Variants in KIAA0825 observed in about 807,000 individuals in gnomAD.
The protein encoded by KIAA0825 is uncharacterized protein KIAA0825.
KIAA0825 carries 119 observed loss-of-function variants against 147.6 expected under a neutral mutation model. The observed-to-expected ratio is 0.81, with a 90% CI of 0.69 to 0.94. The LOEUF is 0.94. KIAA0825 is among the 40% of genes least tolerant of loss of function. The pLI is 0.00. For missense variants in KIAA0825, 1,381 were observed against 1,472.7 expected (o/e 0.94, Z 1.02); for synonymous variants, 470 against 518.1 (o/e 0.91, Z 1.26).
Position 94,536,978 on chromosome 5 carries a change from A to G in KIAA0825, c.131+18T>C. 6.4e-7 allele frequency: 1 copy of G among 1,561,512 alleles called. No individual in the cohort carries two copies. Among genetic ancestry groups the G allele is most frequent in the Non-Finnish European group, 8.8e-7 (1 of 1,142,232 alleles). ...GAAATGTGAAAACAACTTGTTTTAA[A>G]TAATTAACAATATTTACCTTGCAGC... On this transcript the variant is annotated intron_variant, in intron 3 of 20. Transcript: ENST00000682413.
At chr5:94,427,589 A>C (rs184332944) in intron 14 of KIAA0825, among the ~76,000 whole-genome samples, 4 of 152,324 alleles carry the variant, frequency 2.6e-5, no homozygotes, top group Admixed American at 1.3e-4. Flanking sequence ...GCTGAACTTA[A>C]CTACTTTTTA....
intron 4 of KIAA0825, 67 bp downstream of exon 4, chr5:94,523,863 G>T: frequency 9.5e-7 from 1 of 1,047,256 alleles, no homozygotes; most frequent in Non-Finnish European, 1.4e-6. Context: ...TTTACGTATA[G>T]AAATTGAATG....
At chr5:94,199,378 T>C (rs1190941606) in intron 20 of KIAA0825, among the ~76,000 whole-genome samples, 1 of 152,184 alleles carries the variant, frequency 6.6e-6, no homozygotes, top group African/African-American at 2.4e-5. Context: ...TTGGCTTTGT[T>C]CTCTGGTCCC....
intron 20 of KIAA0825, among the ~76,000 whole-genome samples, chr5:94,216,031 T>C (rs1219431698): frequency 6.6e-6 from 1 of 152,150 alleles, no homozygotes; most frequent in Non-Finnish European, 1.5e-5. Flanking sequence ...GATGATCCCA[T>C]GCCGGGTTCC....
chr5:94,340,555 T>C (rs983983371), intron 20 of KIAA0825, among the ~76,000 whole-genome samples: 3 of 152,228 alleles, frequency 2.0e-5, no homozygotes, highest in Non-Finnish European at 4.4e-5. Context: ...TATACTTACA[T>C]CATTTTAAGT....
intron 20 of KIAA0825, among the ~76,000 whole-genome samples, chr5:94,209,204 TTAAATGTTTTTTATAACATGA>T (rs1304021559): frequency 6.6e-6 from 1 of 152,224 alleles, no homozygotes; most frequent in African/African-American, 2.4e-5. Context: ...GTTTATTGCA[TTAAATGTTTTTTATAACATGA>T]AAACAGACAA....
intron 1 of KIAA0825, among the ~76,000 whole-genome samples, chr5:94,611,079 A>G (rs560525527): frequency 1.3e-5 from 2 of 152,208 alleles, no homozygotes; most frequent in South Asian, 4.2e-4. Context: ...AGTGTCTTTT[A>G]GTAAATCTTA....
intron 20 of KIAA0825, among the ~76,000 whole-genome samples, chr5:94,349,564 T>C (rs1783400456): frequency 6.6e-6 from 1 of 151,936 alleles, no homozygotes; most frequent in Non-Finnish European, 1.5e-5. Context: ...TTTAAGAAAA[T>C]TGAAATCATA....
At chr5:94,261,400 AG>A (rs747855385) in intron 20 of KIAA0825, among the ~76,000 whole-genome samples, 53 of 152,306 alleles carry the variant, frequency 3.5e-4, no homozygotes, top group Non-Finnish European at 6.2e-4. Context: ...ATAGGGATGC[AG>A]CTGTAATCCT....
rs147680136 is a variant in KIAA0825, at chr5:94,152,654, A to T, written c.*1353T>A. Reference sequence around the variant, plus strand: ...TAGTGAGACCTCATCTTTACAAAAAAATTAAAAAAAATTAACCAGGTGTGG... The same window carrying T: ...TAGTGAGACCTCATCTTTACAAAAATATTAAAAAAAATTAACCAGGTGTGG... On this transcript the variant is annotated 3_prime_UTR_variant, in exon 21 of 21. Transcript: ENST00000682413. 4.6e-3 allele frequency among the ~76,000 whole-genome samples: 692 copies of T among 149,892 alleles called. 6 individuals are homozygous for T. Among genetic ancestry groups the T allele is most frequent in the African/African-American group, 0.016 (650 of 40,712 alleles).
intron 20 of KIAA0825, among the ~76,000 whole-genome samples, chr5:94,297,167 T>C (rs910711262): frequency 6.6e-6 from 1 of 152,230 alleles, no homozygotes; most frequent in African/African-American, 2.4e-5. Context: ...CATGTGATCA[T>C]ATCAAGACCA....
intron 1 of KIAA0825, among the ~76,000 whole-genome samples, chr5:94,597,332 A>T (rs1785490596): frequency 6.6e-6 from 1 of 152,194 alleles, no homozygotes; most frequent in Admixed American, 6.5e-5. Flanking sequence ...TTATCAGCAC[A>T]ACTGAATTAA....
intron 5 of KIAA0825, among the ~76,000 whole-genome samples, chr5:94,496,040 A>G (rs533489803): frequency 6.6e-6 from 1 of 152,264 alleles, no homozygotes; most frequent in African/African-American, 2.4e-5. Flanking sequence ...TGAAGAAGGG[A>G]AGACAAGAGT....
chr5:94,286,351 T>G (rs1777664360), intron 20 of KIAA0825, among the ~76,000 whole-genome samples: 1 of 152,124 alleles, frequency 6.6e-6, no homozygotes, highest in East Asian at 1.9e-4. Flanking sequence ...CTATTCATCT[T>G]TGCTCCTTGG....
intron 2 of KIAA0825, among the ~76,000 whole-genome samples, chr5:94,575,448 C>G (rs1235607921): frequency 2.6e-5 from 4 of 151,996 alleles, no homozygotes; most frequent in Non-Finnish European, 5.9e-5. Context: ...AGTTACAACT[C>G]AGAGAAAACC....
chr5:94,289,678 G>A (rs1777805496), intron 20 of KIAA0825, among the ~76,000 whole-genome samples: 1 of 151,280 alleles, frequency 6.6e-6, no homozygotes, highest in Non-Finnish European at 1.5e-5. Context: ...ATGAATAAAT[G>A]AATGAGTGAA....
At chr5:94,590,641 G>T (rs1038599582) in intron 1 of KIAA0825, among the ~76,000 whole-genome samples, 2 of 152,122 alleles carry the variant, frequency 1.3e-5, no homozygotes, top group Non-Finnish European at 2.9e-5. Context: ...AACTGAAATT[G>T]CTTTCTTGAT....
intron 20 of KIAA0825, among the ~76,000 whole-genome samples, chr5:94,335,580 A>G (rs1470245969): frequency 6.6e-6 from 1 of 152,152 alleles, no homozygotes; most frequent in Non-Finnish European, 1.5e-5. Context: ...GGAAATAATT[A>G]TCATAGTATA....
At chr5:94,577,125 T>C (rs1781204930) in intron 2 of KIAA0825, among the ~76,000 whole-genome samples, 1 of 152,232 alleles carries the variant, frequency 6.6e-6, no homozygotes, top group South Asian at 2.1e-4. Context: ...GCTTCTAAGT[T>C]GATTTCAGCA....
Sources: gnomAD v4.1 joint callset for allele counts (sites outside exome capture counted in the v4.1 genomes callset) on GRCh38, gnomAD v4.1.1 for gene constraint, MANE v1.5 for transcripts, NCBI Gene and HGNC (gene_info 2026-07-23, HGNC 2026-07-21) for gene names.